TJP2: variants seen among roughly 807,000 people sequenced by gnomAD.
TJP2 encodes Friedreich ataxia region gene X104 (tight junction protein ZO-2).
A neutral mutation model predicts 133.1 loss-of-function variants in TJP2; 91 were observed. The observed-to-expected ratio is 0.68, with a 90% CI of 0.58 to 0.81. The LOEUF is 0.81. Ranked by LOEUF, TJP2 falls within the 40% of genes least tolerant of loss-of-function variation. The pLI is 0.00. For missense variants in TJP2, 1,541 were observed against 1,565.6 expected, an observed-to-expected ratio of 0.98 and a Z score of 0.26; for synonymous variants, 592 against 583.4, an observed-to-expected ratio of 1.01 and a Z score of -0.21.
intron 1 of TJP2, among the ~76,000 whole-genome samples, chr9:69,181,784 T>A (rs1274114974): frequency 6.6e-6 from 1 of 152,200 alleles, no homozygotes; most frequent in Non-Finnish European, 1.5e-5. Context: ...TGAAAAGCAT[T>A]TTTTAAAAAG....
At chr9:69,144,276 G>A (rs757828137) in intron 1 of TJP2, among the ~76,000 whole-genome samples, 3 of 152,162 alleles carry the variant, frequency 2.0e-5, no homozygotes, top group Admixed American at 6.5e-5. Context: ...TGGAGATTTA[G>A]GTCATTTAGG....
chr9:69,194,588 T>C (rs1826419904), intron 1 of TJP2, among the ~76,000 whole-genome samples: 1 of 152,214 alleles, frequency 6.6e-6, no homozygotes, highest in African/African-American at 2.4e-5. Context: ...AGTAGCCACA[T>C]GTGGCTAGTG....
chr9:69,132,824 C>T (rs1328174059), intron 1 of TJP2, among the ~76,000 whole-genome samples: 1 of 152,156 alleles, frequency 6.6e-6, no homozygotes, highest in African/African-American at 2.4e-5. Context: ...AGTGGGAGTT[C>T]AGAAGGCATG....
intron 1 of TJP2, among the ~76,000 whole-genome samples, chr9:69,190,195 G>T (rs1421327311): frequency 2.0e-5 from 3 of 152,194 alleles, no homozygotes; most frequent in Non-Finnish European, 2.9e-5. Flanking sequence ...TTTTCTGAGG[G>T]TACATAAATA....
intron 11 of TJP2, 101 bp downstream of exon 11, chr9:69,230,333 A>C: frequency 6.8e-7 from 1 of 1,470,618 alleles, no homozygotes; most frequent in Non-Finnish European, 9.5e-7. Flanking sequence ...AGCTGGTGAA[A>C]TAGAGCAGCT....
intron 5 of TJP2, among the ~76,000 whole-genome samples, chr9:69,224,562 A>G (rs1399094561): frequency 2.0e-5 from 3 of 152,198 alleles, no homozygotes; most frequent in Non-Finnish European, 4.4e-5. Context: ...CTGTAATCCC[A>G]GCTACTTGAG....
At chr9:69,197,457 G>A (rs1826668321) in intron 1 of TJP2, among the ~76,000 whole-genome samples, 2 of 152,094 alleles carry the variant, frequency 1.3e-5, no homozygotes, top group African/African-American at 4.8e-5. Flanking sequence ...AAGTTGTTGT[G>A]TACACATGTA....
At chr9:69,235,466 G>C (rs543702010) in intron 12 of TJP2, among the ~76,000 whole-genome samples, 1 of 152,102 alleles carries the variant, frequency 6.6e-6, no homozygotes, top group South Asian at 2.1e-4. Flanking sequence ...GGGACTACAG[G>C]CGCCCACCAC....
intron 17 of TJP2, among the ~76,000 whole-genome samples, chr9:69,241,764 A>G (rs1830590737): frequency 6.6e-6 from 1 of 152,196 alleles, no homozygotes; most frequent in African/African-American, 2.4e-5. Context: ...GGCCATAAGA[A>G]AGGCCAGCAC....
At chr9:69,197,522 T>TC (rs1826673980) in intron 1 of TJP2, among the ~76,000 whole-genome samples, 1 of 152,236 alleles carries the variant, frequency 6.6e-6, no homozygotes. Context: ...TTTCTTTTTT[T>TC]CTACCATGTG....
intron 5 of TJP2, among the ~76,000 whole-genome samples, chr9:69,224,525 C>A (rs144362640): frequency 0.069 from 10,472 of 151,978 alleles, 392 homozygotes; most frequent in East Asian, 0.11. Context: ...TAAAATACAA[C>A]AATTAGCTGG....
At chr9:69,157,663 C>A (rs575074313) in intron 2 of TJP2, among the ~76,000 whole-genome samples, 3 of 152,086 alleles carry the variant, frequency 2.0e-5, no homozygotes, top group African/African-American at 7.2e-5. Flanking sequence ...ACGGGTTTCC[C>A]ATTTTGGCCA....
At chr9:69,213,605 G>GA (rs146290091) in intron 2 of TJP2, among the ~76,000 whole-genome samples, 1 of 152,216 alleles carries the variant, frequency 6.6e-6, no homozygotes, top group African/African-American at 2.4e-5. Context: ...AATCCAGGTA[G>GA]AAAAAAATGT....
At chr9:69,199,470 C>T (rs968854567) in intron 1 of TJP2, among the ~76,000 whole-genome samples, 1 of 152,190 alleles carries the variant, frequency 6.6e-6, no homozygotes, top group African/African-American at 2.4e-5. Flanking sequence ...GTTGAGGCTG[C>T]AGTGAGCCCT....
chr9:69,212,470 C>G (rs1239524170), intron 1 of TJP2, 78 bp from the exon 2 acceptor site: 2 of 1,096,898 alleles, frequency 1.8e-6, no homozygotes, highest in Non-Finnish European at 2.8e-6. Flanking sequence ...TATGTCGAGG[C>G]ATTTTGAATG....
At chr9:69,139,824 A>G (rs1822933419) in intron 1 of TJP2, among the ~76,000 whole-genome samples, 1 of 152,152 alleles carries the variant, frequency 6.6e-6, no homozygotes, top group African/African-American at 2.4e-5. Context: ...ACCAAGAGCA[A>G]TAGCTCTGTA....
At chr9:69,163,923 T>C (rs1824219416) in intron 2 of TJP2, among the ~76,000 whole-genome samples, 1 of 152,144 alleles carries the variant, frequency 6.6e-6, no homozygotes, top group Admixed American at 6.6e-5. Context: ...TGGGGGGGCA[T>C]GTGAACGCTG....
chr9:69,159,136 C>T (rs1363638319), intron 2 of TJP2, among the ~76,000 whole-genome samples: 1 of 151,820 alleles, frequency 6.6e-6, no homozygotes, highest in East Asian at 1.9e-4. Flanking sequence ...GAAACTCTGT[C>T]TCTACAAAAA....
intron 1 of TJP2, among the ~76,000 whole-genome samples, chr9:69,187,217 G>T (rs1383288074): frequency 6.6e-6 from 1 of 152,132 alleles, no homozygotes; most frequent in African/African-American, 2.4e-5. Context: ...ATCTCATTTG[G>T]CTTAGTAGTA....
Sources: gnomAD v4.1 joint callset for allele counts (sites outside exome capture counted in the v4.1 genomes callset) on GRCh38, gnomAD v4.1.1 for gene constraint, MANE v1.5 for transcripts, NCBI Gene and HGNC (gene_info 2026-07-23, HGNC 2026-07-21) for gene names.